The following ATG10 variants were observed in gnomAD, a reference collection of about 807,000 sequenced individuals.
The protein encoded by ATG10 is autophagy related 10.
In ATG10, 30 loss-of-function variants were observed where a neutral mutation model predicts 32.1. That is an observed-to-expected ratio of 0.94 (90% confidence interval 0.70 to 1.27). ATG10 has a LOEUF of 1.27. ATG10 is among the 50% of genes most tolerant of loss of function. The pLI is 0.00. For synonymous variants in ATG10, 87 were observed against 91.5 expected (o/e 0.95, Z 0.28); for missense variants, 233 against 262.3 (o/e 0.89, Z 0.77).
At chr5:82,069,165 A>G (rs1052759475) in intron 3 of ATG10, among the ~76,000 whole-genome samples, 2 of 152,192 alleles carry the variant, frequency 1.3e-5, no homozygotes, top group South Asian at 2.1e-4. Flanking sequence ...CTCAAAAACA[A>G]TCTTCTCATA....
chr5:82,182,573 C>T (rs1744276493), intron 5 of ATG10, among the ~76,000 whole-genome samples: 1 of 151,980 alleles, frequency 6.6e-6, no homozygotes, highest in Non-Finnish European at 1.5e-5. Flanking sequence ...CTCAGCAACC[C>T]GGATGAATCT....
rs1300337613 is a variant in ATG10, at chr5:82,049,333, G to A, written c.109-9162G>A. On this transcript the variant is annotated intron_variant, in intron 2 of 7. Transcript: ENST00000282185. The stretch of plus-strand genomic sequence containing the variant: ...AAACACTGCATATTCTCACTCATAG[G>A]TGGGAATTGAACAATGAGAACACAT... Among the ~76,000 whole-genome samples, 8 of 148,372 alleles carry A rather than the reference G, an allele frequency of 5.4e-5. No homozygotes were observed. In the South Asian group the frequency reaches 1.5e-3, roughly 27 times the overall value.
At chr5:81,990,112 TTCTC>T (rs558783754) in intron 2 of ATG10, among the ~76,000 whole-genome samples, 6 of 152,208 alleles carry the variant, frequency 3.9e-5, no homozygotes, top group Non-Finnish European at 7.3e-5. Flanking sequence ...TTTGTGATAG[TTCTC>T]TCTATTATTT....
intron 3 of ATG10, among the ~76,000 whole-genome samples, chr5:82,114,185 A>G (rs565025400): frequency 6.6e-6 from 1 of 152,010 alleles, no homozygotes; most frequent in Non-Finnish European, 1.5e-5. Context: ...GTTCTTATTT[A>G]TAATGACTTA....
intron 4 of ATG10, among the ~76,000 whole-genome samples, chr5:82,175,557 G>A (rs1432902526): frequency 6.6e-6 from 1 of 152,170 alleles, no homozygotes; most frequent in African/African-American, 2.4e-5. Context: ...TTGTATGTAC[G>A]TGAATTATAT....
chr5:82,159,341 A>G (rs916632469), intron 3 of ATG10, among the ~76,000 whole-genome samples: 2 of 152,108 alleles, frequency 1.3e-5, no homozygotes, highest in African/African-American at 4.8e-5. Flanking sequence ...TTTTCAGACC[A>G]TGGTTGATCA....
At chr5:82,080,500 A>C (rs1764438143) in intron 3 of ATG10, among the ~76,000 whole-genome samples, 1 of 152,176 alleles carries the variant, frequency 6.6e-6, no homozygotes. Context: ...TTTTAGGTCT[A>C]ACATTTAAGT....
chr5:82,224,829 G>A (rs1746056110), intron 5 of ATG10, among the ~76,000 whole-genome samples: 1 of 152,202 alleles, frequency 6.6e-6, no homozygotes, highest in African/African-American at 2.4e-5. Flanking sequence ...CCACTTTGGT[G>A]TAAGACTTTG....
At chr5:82,175,847 T>G (rs971345090) in intron 4 of ATG10, among the ~76,000 whole-genome samples, 2 of 151,800 alleles carry the variant, frequency 1.3e-5, no homozygotes, top group African/African-American at 4.8e-5. Flanking sequence ...TACAGTTTAC[T>G]TGTTTATTGT....
At chr5:82,074,900 G>A (rs1764227455) in intron 3 of ATG10, among the ~76,000 whole-genome samples, 1 of 152,156 alleles carries the variant, frequency 6.6e-6, no homozygotes. Context: ...AAAGCTCATT[G>A]TAAAACTGAA....
chr5:82,009,851 C>G (rs1762080783), intron 2 of ATG10: 6 of 1,608,280 alleles, frequency 3.7e-6, no homozygotes, highest in Admixed American at 1.7e-5. Context: ...CTTCAAATTT[C>G]TCCCCATAGA....
At chr5:82,159,306 T>C (rs1743204780) in intron 3 of ATG10, among the ~76,000 whole-genome samples, 1 of 152,170 alleles carries the variant, frequency 6.6e-6, no homozygotes, top group Non-Finnish European at 1.5e-5. Context: ...TATTAGTTTT[T>C]TATTTCTGGA....
At chr5:82,033,790 A>G (rs1762814135) in intron 2 of ATG10, among the ~76,000 whole-genome samples, 1 of 151,404 alleles carries the variant, frequency 6.6e-6, no homozygotes, top group Non-Finnish European at 1.5e-5. Flanking sequence ...GTATGTTTGT[A>G]CTATATGTGT....
At chr5:81,986,053 C>T (rs953096888) in intron 1 of ATG10, among the ~76,000 whole-genome samples, 3 of 151,994 alleles carry the variant, frequency 2.0e-5, no homozygotes, top group East Asian at 1.9e-4. Flanking sequence ...CGTGAGCCAC[C>T]GCGCCTGGCC....
At chr5:82,216,013 G>A (rs1032361482) in intron 5 of ATG10, among the ~76,000 whole-genome samples, 1 of 152,122 alleles carries the variant, frequency 6.6e-6, no homozygotes, top group Non-Finnish European at 1.5e-5. Context: ...AAATACAAGG[G>A]AGTGTATTGC....
intron 2 of ATG10, among the ~76,000 whole-genome samples, chr5:82,003,972 T>C (rs1185489708): frequency 2.0e-5 from 3 of 152,106 alleles, no homozygotes; most frequent in African/African-American, 7.2e-5. Context: ...AAATCCCATC[T>C]CTACTCAAAA....
chr5:82,059,389 T>TAC (rs3084714), intron 3 of ATG10, among the ~76,000 whole-genome samples: 3 of 145,368 alleles, frequency 2.1e-5, no homozygotes, highest in East Asian at 2.0e-4. Context: ...TTCTATCATA[T>TAC]ACACACACAC....
chr5:82,185,511 A>G (rs1744414201), intron 5 of ATG10, among the ~76,000 whole-genome samples: 1 of 152,206 alleles, frequency 6.6e-6, no homozygotes. Flanking sequence ...TGCATATCCC[A>G]AATACCACTG....
intron 3 of ATG10, among the ~76,000 whole-genome samples, chr5:82,158,809 T>G (rs956021393): frequency 6.6e-6 from 1 of 152,136 alleles, no homozygotes; most frequent in African/African-American, 2.4e-5. Flanking sequence ...ATAGTAACAG[T>G]TAAGTGGTAT....
Sources: gnomAD v4.1 joint callset for allele counts (sites outside exome capture counted in the v4.1 genomes callset) on GRCh38, gnomAD v4.1.1 for gene constraint, MANE v1.5 for transcripts, NCBI Gene and HGNC (gene_info 2026-07-23, HGNC 2026-07-21) for gene names.